IQCM: variants seen among roughly 807,000 people sequenced by gnomAD.
IQCM encodes IQ motif containing M.
In IQCM, 45 loss-of-function variants were observed where a neutral mutation model predicts 57.6. The ratio of observed to expected loss-of-function variants is 0.78; its 90% CI spans 0.62 to 1.00. The LOEUF is 1.00. Ranked by LOEUF, IQCM falls within the 50% of genes least tolerant of loss-of-function variation. The pLI, the probability that IQCM is intolerant of heterozygous loss-of-function variation, is 0.00. For synonymous variants in IQCM, 148 were observed against 158.9 expected (o/e 0.93, Z 0.51); for missense variants, 468 against 511.6 (o/e 0.91, Z 0.82).
At chr4:149,410,015 C>A (rs1733260582) in intron 13 of IQCM, among the ~76,000 whole-genome samples, 1 of 152,170 alleles carries the variant, frequency 6.6e-6, no homozygotes, top group Admixed American at 6.6e-5. Flanking sequence ...GAAACCCCGT[C>A]TCTACTGAAA....
In IQCM at chr4:149,406,710, A is replaced by G. The variant is rs1249121511; in HGVS notation, c.1390+26686T>C. Among the ~76,000 whole-genome samples, 3 of 152,214 alleles carry G rather than the reference A, an allele frequency of 2.0e-5. No individual in the cohort carries two copies. The East Asian group carries it at 5.8e-4, about 29-fold the overall frequency. On this transcript the variant is annotated intron_variant, in intron 13 of 13. Coordinates refer to ENST00000636793, the MANE Select transcript of IQCM (RefSeq NM_001363507.2). ...TTTATTGATGAATTCCTTGAATTAT[A>G]GCAGCTGTAATATTTTCAATGTTTT... is the stretch of plus-strand genomic sequence containing the variant.
chr4:149,425,227 A>T (rs990007090), intron 13 of IQCM, among the ~76,000 whole-genome samples: 2 of 152,010 alleles, frequency 1.3e-5, no homozygotes, highest in East Asian at 3.9e-4. Context: ...CATCATAGTA[A>T]TTTTATCCAT....
chr4:149,732,704 A>G (rs1211876426), intron 5 of IQCM, among the ~76,000 whole-genome samples: 2 of 152,182 alleles, frequency 1.3e-5, no homozygotes. Flanking sequence ...ATGTATTATA[A>G]GCAGTCATGT....
chr4:149,386,222 A>G (rs925120607), intron 13 of IQCM, among the ~76,000 whole-genome samples: 5 of 151,930 alleles, frequency 3.3e-5, no homozygotes, highest in Non-Finnish European at 7.4e-5. Flanking sequence ...ATAATTGAAA[A>G]CTCTGGGTGT....
chr4:149,371,904 A>G (rs1391083824), intron 13 of IQCM, among the ~76,000 whole-genome samples: 2 of 152,172 alleles, frequency 1.3e-5, no homozygotes, highest in African/African-American at 4.8e-5. Flanking sequence ...GCATGTTCTA[A>G]CCATGACCAA....
chr4:149,792,644 T>C (rs1772744424), intron 2 of IQCM, among the ~76,000 whole-genome samples: 1 of 152,208 alleles, frequency 6.6e-6, no homozygotes, highest in African/African-American at 2.4e-5. Context: ...AAGCAGTCTC[T>C]ACTTTTGTCT....
At chr4:149,401,288 C>A (rs887695508) in intron 13 of IQCM, among the ~76,000 whole-genome samples, 10 of 151,606 alleles carry the variant, frequency 6.6e-5, no homozygotes, top group African/African-American at 2.4e-4. Flanking sequence ...TATGGTTTTG[C>A]CAAATAAGAA....
intron 2 of IQCM, among the ~76,000 whole-genome samples, chr4:149,767,621 T>G (rs558136910): frequency 6.6e-6 from 1 of 152,076 alleles, no homozygotes; most frequent in Admixed American, 6.6e-5. Context: ...TGGACCCCAG[T>G]TTCTAGGATG....
intron 2 of IQCM, among the ~76,000 whole-genome samples, chr4:149,779,129 T>C (rs1031959196): frequency 4.6e-5 from 7 of 152,180 alleles, no homozygotes; most frequent in African/African-American, 1.2e-4. Context: ...TTACACACCA[T>C]GATCAAGTAG....
chr4:149,770,334 A>C (rs1022166883), intron 2 of IQCM, among the ~76,000 whole-genome samples: 2 of 152,092 alleles, frequency 1.3e-5, no homozygotes, highest in Non-Finnish European at 2.9e-5. Flanking sequence ...CCTGGCCCAG[A>C]TGGCTTCACT....
intron 2 of IQCM, among the ~76,000 whole-genome samples, chr4:149,787,526 A>G (rs1031129496): frequency 7.2e-5 from 11 of 152,192 alleles, no homozygotes; most frequent in African/African-American, 2.7e-4. Flanking sequence ...ACCTGAAAAT[A>G]AATCCATGTA....
intron 10 of IQCM, among the ~76,000 whole-genome samples, chr4:149,553,980 T>TTTTTATA (rs1749290856): frequency 1.3e-5 from 2 of 152,190 alleles, no homozygotes; most frequent in Admixed American, 1.3e-4. Flanking sequence ...AAGTCAATTA[T>TTTTTATA]TTTTACATTT....
intron 8 of IQCM, among the ~76,000 whole-genome samples, chr4:149,616,871 G>T (rs1270455975): frequency 3.3e-5 from 5 of 151,758 alleles, no homozygotes; most frequent in Non-Finnish European, 7.4e-5. Flanking sequence ...CCCAAACCTA[G>T]GTGCCAAGTT....
chr4:149,384,391 G>A (rs1433872716), intron 13 of IQCM, among the ~76,000 whole-genome samples: 1 of 152,072 alleles, frequency 6.6e-6, no homozygotes, highest in Non-Finnish European at 1.5e-5. Context: ...TTCCTTTTGT[G>A]AAGGTTTCCT....
intron 5 of IQCM, among the ~76,000 whole-genome samples, chr4:149,694,751 G>C (rs1763215317): frequency 6.6e-6 from 1 of 152,162 alleles, no homozygotes; most frequent in Admixed American, 6.5e-5. Context: ...ACACTGTAGA[G>C]GGGATTTTAT....
At chr4:149,613,013 C>A (rs1241579331) in intron 8 of IQCM, among the ~76,000 whole-genome samples, 1 of 151,900 alleles carries the variant, frequency 6.6e-6, no homozygotes, top group Non-Finnish European at 1.5e-5. Context: ...TATTTCTAAA[C>A]AAAATGACCC....
intron 2 of IQCM, among the ~76,000 whole-genome samples, chr4:149,747,230 T>C (rs1361306269): frequency 6.6e-6 from 1 of 152,138 alleles, no homozygotes; most frequent in East Asian, 1.9e-4. Context: ...TGAGGGCCAA[T>C]ATAACAGGAC....
At chr4:149,762,429 A>G (rs745358647) in intron 2 of IQCM, among the ~76,000 whole-genome samples, 6 of 141,164 alleles carry the variant, frequency 4.3e-5, no homozygotes, top group Admixed American at 6.8e-5. Flanking sequence ...AAAATGTGAC[A>G]GGGGAAATTC....
intron 13 of IQCM, among the ~76,000 whole-genome samples, chr4:149,391,629 A>G (rs1731863173): frequency 6.6e-6 from 1 of 151,972 alleles, no homozygotes; most frequent in African/African-American, 2.4e-5. Flanking sequence ...ATCTGTGGTT[A>G]TATAAATTTT....
Sources: allele counts gnomAD v4.1 joint callset (sites outside exome capture counted in the v4.1 genomes callset), GRCh38; gene constraint gnomAD v4.1.1; transcripts MANE v1.5; gene names NCBI Gene and HGNC (gene_info 2026-07-23, HGNC 2026-07-21).